PANK1: variants seen among roughly 807,000 people sequenced by gnomAD.
PANK1 encodes the protein pantothenic acid kinase 1.
In PANK1, 18 loss-of-function variants were observed where a neutral mutation model predicts 40.1. That is an observed-to-expected ratio of 0.45 (90% CI 0.31 to 0.67). The LOEUF is 0.67. Ranked by LOEUF, PANK1 falls within the 30% of genes least tolerant of loss-of-function variation. PANK1 has a pLI of 0.06. For missense variants in PANK1, 457 were observed against 599.6 expected (o/e 0.76, Z 2.48); for synonymous variants, 242 against 237.7 (o/e 1.02, Z -0.17).
chr10:89,581,986 A>G (rs1441573832), downstream of PANK1: 5 of 152,248 alleles, frequency 3.3e-5, no homozygotes, highest in Non-Finnish European at 7.3e-5. Flanking sequence ...CCAGAAAGTT[A>G]AGAATTACTG....
intron 5 of PANK1, among the ~76,000 whole-genome samples, chr10:89,591,985 A>G (rs1225925925): frequency 1.3e-5 from 2 of 152,200 alleles, no homozygotes; most frequent in East Asian, 1.9e-4. Context: ...AGTACAGCCA[A>G]CTACACACAT....
At chr10:89,599,547 G>T in intron 2 of PANK1, 42 bp from the exon 3 acceptor site, 8 of 1,583,910 alleles carry the variant, frequency 5.1e-6, no homozygotes, top group Non-Finnish European at 6.9e-6. Context: ...TGTGAGATAG[G>T]CGACCATCTA....
chr10:89,601,989 G>A (rs1318480530), intron 2 of PANK1, among the ~76,000 whole-genome samples: 4 of 152,174 alleles, frequency 2.6e-5, no homozygotes, highest in Non-Finnish European at 5.9e-5. Context: ...TCAAAGGCCT[G>A]CACATAATAA....
chr10:89,636,144 A>G (rs1841799578), intron 1 of PANK1, among the ~76,000 whole-genome samples: 1 of 152,072 alleles, frequency 6.6e-6, no homozygotes, highest in Admixed American at 6.5e-5. Flanking sequence ...AGGCTTTACT[A>G]GGCATTGCTC....
At chr10:89,625,601 C>T (rs768823257) in intron 1 of PANK1, 2 of 152,144 alleles carry the variant, frequency 1.3e-5, no homozygotes, top group East Asian at 1.9e-4. Flanking sequence ...ATTTAGGTCA[C>T]GCAGACAGAC....
chr10:89,641,109 C>T (rs188847562), intron 1 of PANK1, among the ~76,000 whole-genome samples: 1 of 152,176 alleles, frequency 6.6e-6, no homozygotes. Flanking sequence ...CTCCTGCTTT[C>T]CCTTTTAGTC....
At chr10:89,619,560 C>G (rs1050808573) in intron 1 of PANK1, among the ~76,000 whole-genome samples, 10 of 152,164 alleles carry the variant, frequency 6.6e-5, no homozygotes. Context: ...CACAAGTGTT[C>G]CTGGCGAGTG....
At chr10:89,594,606 T>C (rs796413586) in intron 3 of PANK1, among the ~76,000 whole-genome samples, 19 of 152,332 alleles carry the variant, frequency 1.2e-4, no homozygotes, top group African/African-American at 4.6e-4. Context: ...GATCTGATAC[T>C]GAATTTTTTC....
chr10:89,633,994 A>G (rs1278325050), intron 1 of PANK1, among the ~76,000 whole-genome samples: 1 of 152,190 alleles, frequency 6.6e-6, no homozygotes, highest in Admixed American at 6.5e-5. Flanking sequence ...ACCCAAAAAA[A>G]GAGTCAAGAT....
chr10:89,603,827 A>G (rs1409354), intron 2 of PANK1, among the ~76,000 whole-genome samples: 93,063 of 152,008 alleles, frequency 0.61, 29,029 homozygotes, highest in East Asian at 0.94. Context: ...GGGGCCATCT[A>G]TGAGTGGTCA....
chr10:89,584,259 C>A lies in PANK1; in HGVS notation c.*147G>T. On this transcript the variant is annotated 3_prime_UTR_variant, in exon 7 of 7. Transcript: ENST00000307534. ...TCAAAACCTAAGAGTAAAAGATCAT[C>A]TGGAAGGATTTTAAATTATTTACAA... The A allele has an allele frequency of 1.6e-6, 1 of 620,246 alleles. No homozygotes were observed. The highest frequency in any genetic ancestry group is 3.0e-6 in the Non-Finnish European group (1 of 338,774). 38.4% of individuals were successfully genotyped at this position (620,246 alleles called of 1,614,324 possible).
At position 89,593,265 on chromosome 10, in the gene PANK1, C is replaced by A. The variant is rs761276264; in HGVS notation, c.1132G>T (p.Ala378Ser). ...GTGATGGTGACCAATGTGGCCCGGG[C>A]GAGGTCTTCCTTGCTGATGGAATCT... ...KRDSISKEDL[A>S]RATLVTITNN... Residue 378 changes from alanine (A) to serine (S), a missense_variant, in exon 5 of 7, where the codon GCC becomes TCC. Ala to Ser is a moderately conservative substitution (Grantham distance 99, BLOSUM62 1). This residue lies in a region of PANK1 where 286 missense variants were observed against 415.8 expected (regional missense o/e 0.69). Coordinates refer to ENST00000307534, the MANE Select transcript of PANK1 (RefSeq NM_148977.3). 1 of 1,613,704 alleles carries A rather than the reference C, an allele frequency of 6.2e-7. No individual in the cohort carries two copies. Among genetic ancestry groups the A allele is most frequent in the Non-Finnish European group, 8.5e-7 (1 of 1,179,700 alleles).
intron 1 of PANK1, among the ~76,000 whole-genome samples, chr10:89,632,376 A>G (rs1426520456): frequency 6.6e-6 from 1 of 152,186 alleles, no homozygotes; most frequent in African/African-American, 2.4e-5. Flanking sequence ...TATCCTAACC[A>G]TAAACATATA....
intron 5 of PANK1, among the ~76,000 whole-genome samples, chr10:89,591,134 A>G (rs1196640786): frequency 6.6e-6 from 1 of 152,154 alleles, no homozygotes; most frequent in Non-Finnish European, 1.5e-5. Flanking sequence ...TAAAGCTATT[A>G]TTTTGTAAAA....
rs370700543 is a variant in PANK1, at chr10:89,593,282, A to G, written c.1115T>C (p.Ile372Thr). 1.2e-6 allele frequency: 2 copies of G among 1,613,598 alleles called. No individual in the cohort carries two copies. The highest frequency in any genetic ancestry group is 2.7e-5 in the African/African-American group (2 of 74,882). Reference sequence around the variant, plus strand: ...GGCCCGGGCGAGGTCTTCCTTGCTGATGGAATCTCGCTTTTCTTTACTCAT... The same window carrying G: ...GGCCCGGGCGAGGTCTTCCTTGCTGGTGGAATCTCGCTTTTCTTTACTCAT... ...NMMSKEKRDS[I>T]SKEDLARATL... is the part of the protein sequence containing the mutation. Residue 372 changes from isoleucine (I) to threonine (T), a missense_variant, in exon 5 of 7, where the codon ATC becomes ACC. Coordinates refer to ENST00000307534, the MANE Select transcript of PANK1 (RefSeq NM_148977.3).
intron 4 of PANK1, among the ~76,000 whole-genome samples, chr10:89,593,596 A>G (rs1271755743): frequency 4.6e-5 from 7 of 152,214 alleles, no homozygotes; most frequent in Non-Finnish European, 8.8e-5. Flanking sequence ...GCAGTTTTCT[A>G]GAACCTTCTT....
chr10:89,601,309 TAA>T lies in PANK1; in HGVS notation c.646-1806_646-1805del, dbSNP rs11317815. The stretch of plus-strand genomic sequence containing the variant: ...GGGCAATATACGGAGACCCATCTCT[TAA>T]AAAAAAAAAAAAAAAAAAAAAAAAG... On this transcript the variant is annotated intron_variant, in intron 2 of 6. Coordinates refer to ENST00000307534, the MANE Select transcript of PANK1 (RefSeq NM_148977.3). Among the ~76,000 whole-genome samples, 505 of 52,646 alleles carry T rather than the reference TAA, an allele frequency of 9.6e-3. 6 individuals carry two copies. The highest frequency in any genetic ancestry group is 0.034 in the East Asian group (52 of 1,514). 34.5% of individuals were successfully genotyped at this position (52,646 alleles called of 152,430 possible).
chr10:89,621,842 T>C (rs183697502), intron 1 of PANK1, among the ~76,000 whole-genome samples: 1 of 152,318 alleles, frequency 6.6e-6, no homozygotes, highest in African/African-American at 2.4e-5. Flanking sequence ...GCCTCCTGAG[T>C]AGCTGGGATT....
chr10:89,644,531 C>G (rs1049391161), intron 1 of PANK1, 69 bp downstream of exon 1: 1 of 1,413,360 alleles, frequency 7.1e-7, no homozygotes, highest in South Asian at 1.3e-5. Flanking sequence ...CTGCCTCAGC[C>G]GCTCCCAGTC....
Sources: gnomAD v4.1 joint callset for allele counts (sites outside exome capture counted in the v4.1 genomes callset) on GRCh38, gnomAD v4.1.1 for gene constraint, gnomAD v4.1.1 regional missense constraint, MANE v1.5 for transcripts, NCBI Gene and HGNC (gene_info 2026-07-23, HGNC 2026-07-21) for gene names.